The following GABRB3 variants were observed in gnomAD, a reference collection of about 807,000 sequenced individuals.
GABRB3 encodes gamma-aminobutyric acid receptor subunit beta-3.
GABRB3 carries 14 observed loss-of-function variants against 52.1 expected under a neutral mutation model. That is an observed-to-expected ratio of 0.27 (90% confidence interval 0.18 to 0.42). The LOEUF is 0.42. Ranked by LOEUF, GABRB3 falls within the 10% of genes least tolerant of loss-of-function variation. The pLI is 1.00. For missense variants in GABRB3, 307 were observed against 609.1 expected, an observed-to-expected ratio of 0.50 and a Z score of 5.22; for synonymous variants, 260 against 232.3, an observed-to-expected ratio of 1.12 and a Z score of -1.08.
chr15:26,628,865 C>CA (rs1185236477), intron 3 of GABRB3: 2 of 1,139,746 alleles, frequency 1.8e-6, no homozygotes, highest in Admixed American at 2.0e-5. Flanking sequence ...CGGCAGTCCT[C>CA]AAACGGAGGC....
At chr15:26,551,092 T>C (rs1305130774) in intron 8 of GABRB3, among the ~76,000 whole-genome samples, 3 of 152,346 alleles carry the variant, frequency 2.0e-5, no homozygotes, top group Admixed American at 6.5e-5. Context: ...TCACTGTCAT[T>C]ATCACTTTCG....
chr15:26,722,499 C>T (rs1333819937), intron 3 of GABRB3, among the ~76,000 whole-genome samples: 1 of 152,076 alleles, frequency 6.6e-6, no homozygotes, highest in Non-Finnish European at 1.5e-5. Flanking sequence ...GGCTTCTCAC[C>T]TTCATTTCTT....
chr15:26,685,700 A>AG (rs1888379110), intron 3 of GABRB3, among the ~76,000 whole-genome samples: 1 of 152,126 alleles, frequency 6.6e-6, no homozygotes, highest in Non-Finnish European at 1.5e-5. Context: ...TAGTGATAGT[A>AG]GGAGTGGGCC....
Position 26,573,695 on chromosome 15 carries a change from C to T in GABRB3, c.683-5962G>A, listed in dbSNP as rs146134120. Among the ~76,000 whole-genome samples, 4 of 152,256 alleles carry T rather than the reference C, an allele frequency of 2.6e-5. No homozygotes were observed. The South Asian group carries it at 6.2e-4, about 24-fold the overall frequency. On this transcript the variant is annotated intron_variant, in intron 6 of 8. Coordinates refer to ENST00000311550, the MANE Select transcript of GABRB3 (RefSeq NM_000814.6). ...CTCCAAAGTGTACCGTCAAGACAAC[C>T]TACAGAATGGGAGAAAATATTTGCA...
At chr15:26,566,051 G>C (rs981348) in intron 7 of GABRB3, among the ~76,000 whole-genome samples, 1 of 152,254 alleles carries the variant, frequency 6.6e-6, no homozygotes, top group African/African-American at 2.4e-5. Context: ...AGCAATATAC[G>C]TATTTTTAAA....
intron 7 of GABRB3, among the ~76,000 whole-genome samples, chr15:26,562,491 G>C (rs557387834): frequency 6.6e-6 from 1 of 152,204 alleles, no homozygotes; most frequent in Non-Finnish European, 1.5e-5. Context: ...ACATCACTGA[G>C]GCCAAGAGGT....
intron 3 of GABRB3, among the ~76,000 whole-genome samples, chr15:26,643,243 C>T (rs916292926): frequency 8.5e-5 from 13 of 152,312 alleles, no homozygotes; most frequent in East Asian, 1.9e-4. Flanking sequence ...TGCACTGCCC[C>T]GTGCCCCCAT....
At chr15:26,664,340 T>C (rs1255943420) in intron 3 of GABRB3, among the ~76,000 whole-genome samples, 1 of 152,180 alleles carries the variant, frequency 6.6e-6, no homozygotes, top group African/African-American at 2.4e-5. Flanking sequence ...TTAAAAAAAC[T>C]CATGAGAGGG....
intron 3 of GABRB3, chr15:26,624,761 T>G (rs1022617591): frequency 1.0e-6 from 1 of 985,456 alleles, no homozygotes. Context: ...TCTGGGATAC[T>G]TACTAGCTGG....
intron 4 of GABRB3, among the ~76,000 whole-genome samples, chr15:26,591,798 T>C (rs753624074): frequency 6.6e-5 from 10 of 152,230 alleles, no homozygotes; most frequent in Non-Finnish European, 1.3e-4. Flanking sequence ...CCACCAACCA[T>C]GTGTGACTAT....
At chr15:26,757,996 T>C (rs72708046) in intron 3 of GABRB3, among the ~76,000 whole-genome samples, 621 of 152,272 alleles carry the variant, frequency 4.1e-3, no homozygotes, top group Non-Finnish European at 6.8e-3. Flanking sequence ...ATCAGTATAA[T>C]GGAATTCTAA....
chr15:26,556,380 A>G (rs1889752212), intron 8 of GABRB3, among the ~76,000 whole-genome samples: 1 of 152,226 alleles, frequency 6.6e-6, no homozygotes, highest in African/African-American at 2.4e-5. Flanking sequence ...GAAGAATGAG[A>G]AAGGACTTGC....
intron 4 of GABRB3, chr15:26,614,704 A>C (rs530832988): frequency 6.6e-6 from 1 of 152,210 alleles, no homozygotes; most frequent in Non-Finnish European, 1.5e-5. Flanking sequence ...CATATAAAAC[A>C]GTTTCAGAAT....
At chr15:26,587,660 A>G (rs949177068) in intron 4 of GABRB3, among the ~76,000 whole-genome samples, 5 of 152,132 alleles carry the variant, frequency 3.3e-5, no homozygotes, top group African/African-American at 1.2e-4. Flanking sequence ...GTTAAGGTTG[A>G]GAAGGGTTAC....
chr15:26,726,309 A>G (rs1389919711), intron 3 of GABRB3, among the ~76,000 whole-genome samples: 2 of 152,200 alleles, frequency 1.3e-5, no homozygotes, highest in Non-Finnish European at 2.9e-5. Flanking sequence ...CCCATATACC[A>G]TTAGTCTAGC....
At position 26,666,435 on chromosome 15, in the gene GABRB3, G is replaced by C. The variant is rs568723911; in HGVS notation, c.241-44901C>G. ...GCACGCACCGAAGTCACTCAGCGTG[G>C]TGAAGTAAGGGGAGGCCGAGGGCTG... is the stretch of plus-strand genomic sequence containing the variant. On this transcript the variant is annotated intron_variant, in intron 3 of 8. Coordinates refer to ENST00000311550, the MANE Select transcript of GABRB3 (RefSeq NM_000814.6). The C allele has an allele frequency of 2.6e-5, 4 of 152,296 alleles. No homozygotes were observed. In the South Asian group the frequency reaches 8.3e-4, roughly 32 times the overall value. The allele number at this position is 152,296 out of a possible 1,614,324, so 9.4% of individuals were successfully genotyped here. A position where few individuals can be genotyped will look rare whatever the true frequency, so the allele number is the denominator to read the frequency against.
intron 3 of GABRB3, among the ~76,000 whole-genome samples, chr15:26,684,814 A>C (rs187314444): frequency 3.3e-5 from 5 of 152,302 alleles, no homozygotes; most frequent in Non-Finnish European, 2.9e-5. Context: ...GCCCCAAAAC[A>C]ACCACAGTGG....
intron 3 of GABRB3, among the ~76,000 whole-genome samples, chr15:26,698,150 A>G (rs769344691): frequency 2.0e-5 from 3 of 152,204 alleles, no homozygotes; most frequent in Non-Finnish European, 4.4e-5. Context: ...ACTGCCAAAG[A>G]AATGTCAACT....
intron 3 of GABRB3, among the ~76,000 whole-genome samples, chr15:26,656,537 T>C (rs1014596907): frequency 1.3e-5 from 2 of 152,220 alleles, no homozygotes; most frequent in African/African-American, 4.8e-5. Context: ...CCGTGGCCTG[T>C]TAGGAACTGG....
Sources: gnomAD v4.1 joint callset for allele counts (sites outside exome capture counted in the v4.1 genomes callset) on GRCh38, gnomAD v4.1.1 for gene constraint, MANE v1.5 for transcripts, NCBI Gene and HGNC (gene_info 2026-07-23, HGNC 2026-07-21) for gene names.